MSI2: variants seen among roughly 807,000 people sequenced by gnomAD.
MSI2 encodes the protein RNA-binding protein Musashi homolog 2.
A neutral mutation model predicts 45.6 loss-of-function variants in MSI2; 17 were observed. That is an observed-to-expected ratio of 0.37 (90% CI 0.26 to 0.56). The LOEUF is 0.56. Ranked by LOEUF, MSI2 falls within the 20% of genes least tolerant of loss-of-function variation. The pLI is 0.77. For missense variants in MSI2, 293 were observed against 444.2 expected, an observed-to-expected ratio of 0.66 and a Z score of 3.06; for synonymous variants, 156 against 158.2, an observed-to-expected ratio of 0.99 and a Z score of 0.11.
intron 7 of MSI2, among the ~76,000 whole-genome samples, chr17:57,545,996 C>G (rs1748050469): frequency 6.6e-6 from 1 of 152,144 alleles, no homozygotes; most frequent in Non-Finnish European, 1.5e-5. Flanking sequence ...ACTTATCATC[C>G]CGTCAGGGCT....
At chr17:57,480,937 A>G (rs1296876629) in intron 6 of MSI2, among the ~76,000 whole-genome samples, 1 of 152,180 alleles carries the variant, frequency 6.6e-6, no homozygotes, top group African/African-American at 2.4e-5. Context: ...CAGTGAAAGG[A>G]GTGGGTTTGT....
intron 5 of MSI2, among the ~76,000 whole-genome samples, chr17:57,296,120 T>C (rs1910933178): frequency 6.6e-6 from 1 of 151,850 alleles, no homozygotes; most frequent in Non-Finnish European, 1.5e-5. Flanking sequence ...AGATATTTCA[T>C]TTTCTTTTTT....
the MSI2 span, among the ~76,000 whole-genome samples, chr17:57,691,289 C>T: frequency 4.3e-3 from 646 of 151,882 alleles, 1 homozygote; most frequent in Non-Finnish European, 6.3e-3. Flanking sequence ...CTAAGTATTG[C>T]GATCAGGTAG....
intron 5 of MSI2, among the ~76,000 whole-genome samples, chr17:57,303,208 G>A (rs1800829281): frequency 6.6e-6 from 1 of 152,182 alleles, no homozygotes; most frequent in Admixed American, 6.5e-5. Context: ...TCAGCTGAGT[G>A]CTTTCCTGTG....
In MSI2 at chr17:57,639,197, G is replaced by A. The variant is rs139207631; in HGVS notation, c.727+11894G>A. On this transcript the variant is annotated intron_variant, in intron 10 of 13. Transcript: ENST00000284073. ...GATGTCAACATATAAATTTTGGCAG[G>A]GACATAAACATTCAGACCATAGCGG... is the stretch of plus-strand genomic sequence containing the variant. Among the ~76,000 whole-genome samples the A allele has an allele frequency of 6.1e-3, 935 of 152,236 alleles. 10 individuals carry two copies. Among genetic ancestry groups the A allele is most frequent in the Non-Finnish European group, 8.6e-3 (586 of 68,018 alleles).
chr17:57,616,111 C>T (rs757246852), intron 9 of MSI2, 27 bp downstream of exon 9: 1 of 1,589,128 alleles, frequency 6.3e-7, no homozygotes. Flanking sequence ...CCGCAGGTCA[C>T]CATGGACTGG....
intron 6 of MSI2, among the ~76,000 whole-genome samples, chr17:57,476,162 C>A (rs905713246): frequency 3.3e-5 from 5 of 152,246 alleles, no homozygotes; most frequent in African/African-American, 1.2e-4. Flanking sequence ...CTGCCACTCA[C>A]AACATATAGG....
Position 57,529,754 on chromosome 17 carries a change from G to C in MSI2, c.454+30G>C. On this transcript the variant is annotated intron_variant, in intron 7 of 13. Transcript: ENST00000284073. This position sits in a 1 kb window ranked among gnomAD's most constrained non-coding sequence, Gnocchi z 5.3. Reference sequence around the variant, plus strand: ...GATTACCCCAGTGTAAGAGGGTTGCGTTCACCCTCTCCTGGCCTCTCTGTC... The same window carrying C: ...GATTACCCCAGTGTAAGAGGGTTGCCTTCACCCTCTCCTGGCCTCTCTGTC... The C allele has an allele frequency of 6.3e-7, 1 of 1,585,294 alleles. No homozygotes were observed. Among genetic ancestry groups the C allele is most frequent in the Non-Finnish European group, 8.6e-7 (1 of 1,159,008 alleles).
chr17:57,256,959 C>G (rs2143126419), intron 1 of MSI2, 139 bp from the exon 2 acceptor site: 1 of 1,326,604 alleles, frequency 7.5e-7, no homozygotes, highest in Non-Finnish European at 1.0e-6. Context: ...TTGCATTTCG[C>G]CGTCACCTTC....
At chr17:57,544,672 G>A (rs753979862) in intron 7 of MSI2, among the ~76,000 whole-genome samples, 64 of 152,162 alleles carry the variant, frequency 4.2e-4, no homozygotes, top group Non-Finnish European at 7.3e-5. Context: ...AGTTAAGTGT[G>A]TGTAATGGTT....
At chr17:57,473,616 AG>A (rs2143701906) in intron 6 of MSI2, among the ~76,000 whole-genome samples, 1 of 152,246 alleles carries the variant, frequency 6.6e-6, no homozygotes, top group East Asian at 1.9e-4. Flanking sequence ...TTCTGTGGGG[AG>A]GGTATGGGCA....
chr17:57,529,950 G>T lies in MSI2; in HGVS notation c.454+226G>T, dbSNP rs571015035. Among the ~76,000 whole-genome samples, 1 of 152,152 alleles carries T rather than the reference G, an allele frequency of 6.6e-6. No homozygotes were observed. The highest frequency in any genetic ancestry group is 1.5e-5 in the Non-Finnish European group (1 of 68,028). On this transcript the variant is annotated intron_variant, in intron 7 of 13. Transcript: ENST00000284073. The surrounding 1 kb of genome is among the most constrained non-coding windows in gnomAD (Gnocchi z 5.3). Reference sequence around the variant, plus strand: ...CTTCTGGCCTAGGAACTCCTGTTTAGTTATGCAGCCATCCCTGACACACAT... The same window carrying T: ...CTTCTGGCCTAGGAACTCCTGTTTATTTATGCAGCCATCCCTGACACACAT...
intron 5 of MSI2, among the ~76,000 whole-genome samples, chr17:57,348,796 T>C (rs943306672): frequency 6.6e-6 from 1 of 152,166 alleles, no homozygotes; most frequent in African/African-American, 2.4e-5. Context: ...CAATGACCTA[T>C]AGGGAGAATG....
At chr17:57,621,675 G>A (rs892074740) in intron 9 of MSI2, among the ~76,000 whole-genome samples, 1 of 152,218 alleles carries the variant, frequency 6.6e-6, no homozygotes, top group Non-Finnish European at 1.5e-5. Flanking sequence ...AGGCTGATAA[G>A]CATATAGTTG....
Position 57,499,574 on chromosome 17 carries a change from G to A in MSI2, c.406-30102G>A, listed in dbSNP as rs1003468616. Among the ~76,000 whole-genome samples the A allele has an allele frequency of 9.9e-5, 15 of 152,168 alleles. 1 individual carries two copies. The East Asian group carries it at 1.7e-3, about 18-fold the overall frequency. On this transcript the variant is annotated intron_variant, in intron 6 of 13. Transcript: ENST00000284073. ...CATGTTTTTATATATGTGGTGTTCC[G>A]GTTATCTATTGATGCATAACAAATC...
At chr17:57,482,738 G>A (rs146167371) in intron 6 of MSI2, among the ~76,000 whole-genome samples, 4 of 152,298 alleles carry the variant, frequency 2.6e-5, no homozygotes, top group African/African-American at 7.2e-5. Context: ...GTAGACAGCA[G>A]TGCTGTTATG....
intron 6 of MSI2, among the ~76,000 whole-genome samples, chr17:57,442,041 A>ATT (rs34318112): frequency 0.098 from 13,993 of 143,250 alleles, 1,491 homozygotes; most frequent in East Asian, 0.37. Context: ...AACACAGCTG[A>ATT]TTTTTTTTTT....
intron 7 of MSI2, among the ~76,000 whole-genome samples, chr17:57,558,382 G>A (rs555831604): frequency 6.6e-5 from 10 of 152,196 alleles, no homozygotes; most frequent in South Asian, 4.2e-4. Flanking sequence ...TTCCCCTTTC[G>A]CCTCTGCTGT....
At chr17:57,372,736 C>T (rs1488415160) in intron 5 of MSI2, among the ~76,000 whole-genome samples, 1 of 152,124 alleles carries the variant, frequency 6.6e-6, no homozygotes, top group Non-Finnish European at 1.5e-5. Context: ...CTGTTCATCG[C>T]CCCTATTCAC....
Sources: allele counts gnomAD v4.1 joint callset (sites outside exome capture counted in the v4.1 genomes callset), GRCh38; gene constraint gnomAD v4.1.1; non-coding constraint Gnocchi (gnomAD v3.1); transcripts MANE v1.5; gene names NCBI Gene and HGNC (gene_info 2026-07-23, HGNC 2026-07-21).